BAZ2B: variants seen among roughly 807,000 people sequenced by gnomAD.
BAZ2B encodes the protein bromodomain adjacent to zinc finger domain 2B, also known as bromodomain adjacent to zinc finger domain protein 2B.
In BAZ2B, 91 loss-of-function variants were observed where a neutral mutation model predicts 246.0. The ratio of observed to expected loss-of-function variants is 0.37; its 90% confidence interval spans 0.31 to 0.44. The LOEUF (loss-of-function observed/expected upper bound fraction) is 0.44, where lower values mean the gene tolerates loss of function less well. Among genes scored for constraint, BAZ2B ranks in the 20% least tolerant of loss-of-function variants. BAZ2B has a pLI of 1.00. For synonymous variants in BAZ2B, 855 were observed against 860.0 expected (o/e 0.99, Z 0.10); for missense variants, 2,332 against 2,533.7 (o/e 0.92, Z 1.71).
Position 159,329,372 on chromosome 2 carries a change from C to A in BAZ2B, c.5943+3168G>T, listed in dbSNP as rs563569380. 6.6e-5 allele frequency among the ~76,000 whole-genome samples: 10 copies of A among 152,046 alleles called. 1 individual carries two copies. Among genetic ancestry groups the A allele is most frequent in the African/African-American group, 2.4e-4 (10 of 41,446 alleles). On this transcript the variant is annotated intron_variant, in intron 34 of 36. Coordinates refer to ENST00000392783, the MANE Select transcript of BAZ2B (RefSeq NM_013450.4). ...ATAATATTCCATTTTATATAAGGAA[C>A]CTGAGCATCTGTGACTCTGGTATCC...
the BAZ2B span, among the ~76,000 whole-genome samples, chr2:159,660,862 T>C: frequency 6.6e-6 from 1 of 152,146 alleles, no homozygotes; most frequent in Non-Finnish European, 1.5e-5. Flanking sequence ...CCTCCCAAAG[T>C]GCTAGGATTA....
the BAZ2B span, among the ~76,000 whole-genome samples, chr2:159,625,966 AG>A: frequency 6.6e-5 from 10 of 151,304 alleles, no homozygotes; most frequent in East Asian, 1.9e-3. Flanking sequence ...CTCAAAATAA[AG>A]GGATGGAGGA....
the BAZ2B span, among the ~76,000 whole-genome samples, chr2:159,629,996 G>C: frequency 6.6e-6 from 1 of 151,950 alleles, no homozygotes; most frequent in Non-Finnish European, 1.5e-5. Context: ...TTAACTGAAA[G>C]GATAAATTAA....
chr2:159,344,455 A>T (rs1352033039), intron 31 of BAZ2B, among the ~76,000 whole-genome samples: 4 of 151,130 alleles, frequency 2.6e-5, no homozygotes, highest in Non-Finnish European at 4.4e-5. Context: ...AGTTGCTTGA[A>T]CCTGGGAGGT....
intron 2 of BAZ2B, among the ~76,000 whole-genome samples, chr2:159,487,962 C>T (rs1028761192): frequency 6.6e-6 from 1 of 151,966 alleles, no homozygotes; most frequent in Non-Finnish European, 1.5e-5. Context: ...ATCTAGACAT[C>T]CAAATACAAG....
In BAZ2B at chr2:159,389,361, C is replaced by T. The variant is rs2063053598; in HGVS notation, c.3200G>A (p.Cys1067Tyr). The T allele has an allele frequency of 1.9e-6, 3 of 1,608,348 alleles. No homozygotes were observed. Among genetic ancestry groups the T allele is most frequent in the Non-Finnish European group, 2.5e-6 (3 of 1,177,576 alleles). The change falls in exon 21 of 37, where the codon TGC becomes TAC. Residue 1067 changes from cysteine to tyrosine, a missense_variant. Around this residue, in one of 9 missense-constraint regions of BAZ2B, gnomAD observed 328 missense variants for 410.4 expected, o/e 0.80. Coordinates refer to ENST00000392783, the MANE Select transcript of BAZ2B (RefSeq NM_013450.4). The stretch of plus-strand genomic sequence containing the variant: ...ATAAATTACCTTTTGGTCTGCTAAG[C>T]ACATGTCTTCATTAGGCTTCTTTAG... ...KELKKPNEDM[C>Y]LADQKPLPEL...
chr2:159,570,649 TTTC>T, intron 1 of BAZ2B, among the ~76,000 whole-genome samples: 1 of 53,908 alleles, frequency 1.9e-5, no homozygotes, highest in Non-Finnish European at 3.8e-5. Context: ...TTTTTCACCC[TTTC>T]TCTGTCTCTG....
chr2:159,589,819 A>G (rs1303002997), intron 1 of BAZ2B, among the ~76,000 whole-genome samples: 19 of 152,162 alleles, frequency 1.2e-4, no homozygotes, highest in Admixed American at 1.2e-3. Context: ...AAGACCATCA[A>G]CATATAAGAC....
At chr2:159,415,826 T>A (rs908784273) in intron 13 of BAZ2B, among the ~76,000 whole-genome samples, 3 of 152,238 alleles carry the variant, frequency 2.0e-5, no homozygotes, top group African/African-American at 7.2e-5. Context: ...TGATTATGGA[T>A]AATAGCTACA....
chr2:159,671,699 A>G, the BAZ2B span, among the ~76,000 whole-genome samples: 1 of 152,158 alleles, frequency 6.6e-6, no homozygotes, highest in African/African-American at 2.4e-5. Flanking sequence ...TTCTTAGTAA[A>G]TAATCTGATA....
intron 3 of BAZ2B, among the ~76,000 whole-genome samples, chr2:159,455,762 GGTTTTTTTTTTT>G (rs1378847326): frequency 1.0e-5 from 1 of 97,124 alleles, no homozygotes; most frequent in Non-Finnish European, 2.2e-5. Flanking sequence ...GAAATATTGT[GGTTTTTTTTTTT>G]TTTTTTTTTT....
At chr2:159,577,788 G>A (rs1685709535) in intron 1 of BAZ2B, among the ~76,000 whole-genome samples, 1 of 152,020 alleles carries the variant, frequency 6.6e-6, no homozygotes, top group African/African-American at 2.4e-5. Flanking sequence ...ACCTTAATGG[G>A]AAGGAGAAAG....
chr2:159,670,639 T>A, the BAZ2B span: 1 of 152,240 alleles, frequency 6.6e-6, no homozygotes, highest in Admixed American at 6.5e-5. Flanking sequence ...AATTTTGTTT[T>A]AAATACCCAA....
At chr2:159,582,222 G>T (rs1686995419) in intron 1 of BAZ2B, among the ~76,000 whole-genome samples, 1 of 152,252 alleles carries the variant, frequency 6.6e-6, no homozygotes, top group Non-Finnish European at 1.5e-5. Context: ...ATATTCATGT[G>T]CATATTAAAA....
intron 2 of BAZ2B, among the ~76,000 whole-genome samples, chr2:159,519,209 T>C (rs960284281): frequency 8.9e-5 from 10 of 112,296 alleles, no homozygotes; most frequent in African/African-American, 3.2e-4. Flanking sequence ...TATTCTATTT[T>C]CTTTTTTTTT....
Position 159,386,607 on chromosome 2 carries a change from G to A in BAZ2B, c.3217C>T (p.Pro1073Ser). Residue 1073 changes from proline to serine, a missense_variant and splice_region_variant, in exon 22 of 37, where the codon CCT becomes TCT. Pro to Ser is a moderately conservative substitution (Grantham distance 74). Around this residue, in one of 9 missense-constraint regions of BAZ2B, gnomAD observed 328 missense variants for 410.4 expected, o/e 0.80. Coordinates refer to ENST00000392783, the MANE Select transcript of BAZ2B (RefSeq NM_013450.4). ...GGAATACGAGGCAACTCTGGCAAAG[G>A]CTGAAAATAAAATGAAATACAAATA... ...NEDMCLADQKPLPELPRIPGL... is the reference protein window; with the variant it reads ...NEDMCLADQKSLPELPRIPGL... 6.3e-7 allele frequency: 1 copy of A among 1,583,288 alleles called. No homozygotes were observed. Among genetic ancestry groups the A allele is most frequent in the Non-Finnish European group, 8.6e-7 (1 of 1,168,860 alleles).
intron 1 of BAZ2B, among the ~76,000 whole-genome samples, chr2:159,583,112 C>CTTTTTTTTTTT: frequency 7.3e-6 from 1 of 137,584 alleles, no homozygotes; most frequent in Non-Finnish European, 1.5e-5. Flanking sequence ...TTTTTCTTTT[C>CTTTTTTTTTTT]TTTTTTTTTT....
At chr2:159,501,226 TTA>T (rs1224536412) in intron 2 of BAZ2B, among the ~76,000 whole-genome samples, 10 of 112,404 alleles carry the variant, frequency 8.9e-5, no homozygotes, top group Non-Finnish European at 1.2e-4. Context: ...ATATATATAT[TTA>T]TATATATATA....
the BAZ2B span, among the ~76,000 whole-genome samples, chr2:159,646,061 G>T: frequency 3.3e-5 from 5 of 152,110 alleles, no homozygotes; most frequent in Non-Finnish European, 5.9e-5. Flanking sequence ...TATTAGGTGG[G>T]AATTTCCTCA....
Sources: gnomAD v4.1 joint callset for allele counts (sites outside exome capture counted in the v4.1 genomes callset) on GRCh38, gnomAD v4.1.1 for gene constraint, gnomAD v4.1.1 regional missense constraint, MANE v1.5 for transcripts, NCBI Gene and HGNC (gene_info 2026-07-23, HGNC 2026-07-21) for gene names.